Variants in FIGN observed in about 807,000 individuals in gnomAD.
The protein encoded by FIGN is fidgetin, microtubule severing factor.
Under a neutral mutation model 51.3 loss-of-function variants are expected in FIGN, and 11 were observed. That is an observed-to-expected ratio of 0.21 (90% confidence interval 0.13 to 0.35). The LOEUF (loss-of-function observed/expected upper bound fraction) is 0.35. FIGN is among the 10% of genes least tolerant of loss of function. The pLI, the probability that FIGN is intolerant of heterozygous loss-of-function variation, is 1.00. For missense variants in FIGN, 857 were observed against 943.6 expected, an observed-to-expected ratio of 0.91 and a Z score of 1.20; for synonymous variants, 407 against 363.2, an observed-to-expected ratio of 1.12 and a Z score of -1.37.
At chr2:163,692,799 G>A (rs1231866317) in intron 2 of FIGN, among the ~76,000 whole-genome samples, 3 of 152,290 alleles carry the variant, frequency 2.0e-5, no homozygotes, top group South Asian at 2.1e-4. Context: ...AACAGAGAAC[G>A]AAAATGTAAT....
chr2:163,651,427 GC>G (rs1683474114), intron 2 of FIGN, among the ~76,000 whole-genome samples: 1 of 152,166 alleles, frequency 6.6e-6, no homozygotes, highest in South Asian at 2.1e-4. Flanking sequence ...CTGCACTCCA[GC>G]CTGAGCGACA....
intron 2 of FIGN, among the ~76,000 whole-genome samples, chr2:163,674,530 T>A (rs992419851): frequency 5.3e-5 from 8 of 152,198 alleles, no homozygotes; most frequent in Non-Finnish European, 1.2e-4. Flanking sequence ...GAAGACACAC[T>A]GAAATTAAAA....
chr2:163,632,305 C>A (rs2105311483), intron 2 of FIGN, among the ~76,000 whole-genome samples: 1 of 152,296 alleles, frequency 6.6e-6, no homozygotes, highest in Non-Finnish European at 1.5e-5. Context: ...TATCGAATTT[C>A]TAACTCCTGG....
intron 2 of FIGN, among the ~76,000 whole-genome samples, chr2:163,723,056 T>C (rs1255923589): frequency 6.6e-6 from 1 of 151,804 alleles, no homozygotes; most frequent in African/African-American, 2.4e-5. Flanking sequence ...AGCGTGGTGG[T>C]GGCAGACGCC....
At chr2:163,696,378 A>G (rs1210847308) in intron 2 of FIGN, among the ~76,000 whole-genome samples, 4 of 152,072 alleles carry the variant, frequency 2.6e-5, no homozygotes, top group Non-Finnish European at 5.9e-5. Context: ...AAAGTAAATG[A>G]CTTAGAAATT....
intron 2 of FIGN, among the ~76,000 whole-genome samples, chr2:163,713,512 A>G (rs560818412): frequency 6.6e-6 from 1 of 152,258 alleles, no homozygotes; most frequent in Non-Finnish European, 1.5e-5. Flanking sequence ...CAGAGGCACT[A>G]CTGTATATAA....
chr2:163,638,831 A>G (rs1683265043), intron 2 of FIGN, among the ~76,000 whole-genome samples: 1 of 152,214 alleles, frequency 6.6e-6, no homozygotes, highest in East Asian at 1.9e-4. Flanking sequence ...CATTTCAATG[A>G]GACAGAAGTC....
chr2:163,660,770 T>C (rs1288097098), intron 2 of FIGN, among the ~76,000 whole-genome samples: 1 of 40,732 alleles, frequency 2.5e-5, no homozygotes, highest in African/African-American at 6.1e-5. Context: ...CATATATATG[T>C]ATACACATAT....
chr2:163,620,000 G>A (rs1352092721), intron 2 of FIGN, among the ~76,000 whole-genome samples: 4 of 152,082 alleles, frequency 2.6e-5, no homozygotes, highest in Non-Finnish European at 4.4e-5. Context: ...GTACAAAACT[G>A]TGTATATTCT....
intron 2 of FIGN, among the ~76,000 whole-genome samples, chr2:163,653,046 T>G (rs1313615609): frequency 3.9e-5 from 6 of 152,166 alleles, no homozygotes; most frequent in Admixed American, 3.9e-4. Context: ...GTTTGAATTT[T>G]AGCCCTACTA....
At chr2:163,716,077 G>T (rs1276335447) in intron 2 of FIGN, among the ~76,000 whole-genome samples, 1 of 152,158 alleles carries the variant, frequency 6.6e-6, no homozygotes, top group Non-Finnish European at 1.5e-5. Context: ...TTATTGGATG[G>T]TGAACGAAAC....
chr2:163,713,669 T>C (rs1684622883), intron 2 of FIGN, among the ~76,000 whole-genome samples: 1 of 152,138 alleles, frequency 6.6e-6, no homozygotes, highest in Non-Finnish European at 1.5e-5. Context: ...CAAAAATCAA[T>C]TGGTTAAAGC....
intron 2 of FIGN, among the ~76,000 whole-genome samples, chr2:163,690,061 T>C (rs544404405): frequency 5.3e-5 from 8 of 152,152 alleles, no homozygotes; most frequent in African/African-American, 9.6e-5. Context: ...TCCCCCTCAA[T>C]TGTTAAGATA....
chr2:163,707,280 T>A (rs1247750570), intron 2 of FIGN, among the ~76,000 whole-genome samples: 1 of 151,502 alleles, frequency 6.6e-6, no homozygotes, highest in East Asian at 2.0e-4. Flanking sequence ...ATCCAGGAGG[T>A]GGAGGTTGCA....
intron 2 of FIGN, among the ~76,000 whole-genome samples, chr2:163,660,846 T>TAC (rs1683657816): frequency 1.7e-5 from 1 of 60,584 alleles, no homozygotes; most frequent in East Asian, 4.3e-4. Flanking sequence ...TATATACATA[T>TAC]ATATATGTAT....
Position 163,610,389 on chromosome 2 carries a change from A to G in FIGN, c.1443T>C (p.Pro481=). 1 of 1,614,054 alleles carries G rather than the reference A, an allele frequency of 6.2e-7. No homozygotes were observed. ...CAGCAATGTCATTCCAGTCCACTGG[A>G]GGTCCTTGGGTGATAATCTCATTGG... ...LVTNEIITQG[P]PVDWNDIAGL... The change falls in exon 3 of 3, where the codon CCT becomes CCC. Residue 481 remains proline (P), a synonymous_variant. Coordinates refer to ENST00000333129, the MANE Select transcript of FIGN (RefSeq NM_018086.4).
chr2:163,684,227 T>C (rs1475006988), intron 2 of FIGN, among the ~76,000 whole-genome samples: 2 of 152,198 alleles, frequency 1.3e-5, no homozygotes, highest in African/African-American at 2.4e-5. Flanking sequence ...CATTCCTATC[T>C]TGAAATACTA....
intron 2 of FIGN, among the ~76,000 whole-genome samples, chr2:163,621,268 T>C (rs114669489): frequency 0.011 from 1,699 of 152,256 alleles, 29 homozygotes; most frequent in African/African-American, 0.038. Flanking sequence ...GTTTGGGTTA[T>C]TTATGCATTT....
chr2:163,640,993 C>T (rs930302610), intron 2 of FIGN, among the ~76,000 whole-genome samples: 8 of 152,136 alleles, frequency 5.3e-5, no homozygotes, highest in African/African-American at 1.9e-4. Context: ...CAGGGAGGGA[C>T]AGCACAGACA....
Sources: gnomAD v4.1 joint callset for allele counts (sites outside exome capture counted in the v4.1 genomes callset) on GRCh38, gnomAD v4.1.1 for gene constraint, MANE v1.5 for transcripts, NCBI Gene and HGNC (gene_info 2026-07-23, HGNC 2026-07-21) for gene names.